Variants in PDE4A observed in about 807,000 individuals in gnomAD.
PDE4A encodes the protein 3',5'-cyclic-AMP phosphodiesterase 4A.
PDE4A carries 21 observed loss-of-function variants against 73.9 expected under a neutral mutation model. That is an observed-to-expected ratio of 0.28 (90% confidence interval 0.20 to 0.41). The LOEUF is 0.41. Among genes scored for constraint, PDE4A ranks in the 10% least tolerant of loss-of-function variants. PDE4A has a pLI of 1.00. For synonymous variants in PDE4A, 463 were observed against 505.4 expected (o/e 0.92, Z 1.13); for missense variants, 958 against 1,211.4 (o/e 0.79, Z 3.10).
At chr19:10,418,258 A>G (rs2042607010), upstream of PDE4A, among the ~76,000 whole-genome samples, 1 of 152,078 alleles carries the variant, frequency 6.6e-6, no homozygotes. Context: ...AGGGGTCTGG[A>G]CTAGTATTTT....
intron 5 of PDE4A, 53 bp downstream of exon 5, chr19:10,450,705 G>A: frequency 6.3e-7 from 1 of 1,590,058 alleles, no homozygotes; most frequent in East Asian, 2.3e-5. Flanking sequence ...CCCAGTGGGG[G>A]TCCCTCAGCC....
Position 10,457,735 on chromosome 19 carries a change from C to CT in PDE4A, c.878-143dup, listed in dbSNP as rs759704200. 791 of 1,437,098 alleles carry CT rather than the reference C, an allele frequency of 5.5e-4. 1 individual carries two copies. Among genetic ancestry groups the CT allele is most frequent in the Non-Finnish European group, 6.7e-4 (737 of 1,092,894 alleles). 89.0% of individuals were successfully genotyped at this position (1,437,098 alleles called of 1,614,324 possible). A position where few individuals can be genotyped will look rare whatever the true frequency, so the allele number is the denominator to read the frequency against. ...CCACATCCCCTCTGGTTTCCTGACT[C>CT]TGAGTAGCCAGCGGCATCACAGCTG... On this transcript the variant is annotated intron_variant, in intron 7 of 14. Coordinates refer to ENST00000380702, the MANE Select transcript of PDE4A (RefSeq NM_001111307.2).
rs1166864050 is a variant in PDE4A, at chr19:10,424,875, C to T, written c.320+3791C>T. ...GGCTCTGCGCTTCCTGCCCGGGAAA[C>T]AGAGACCATGGGACTTGCCCAAGGT... On this transcript the variant is annotated intron_variant, in intron 1 of 14. Coordinates refer to ENST00000380702, the MANE Select transcript of PDE4A (RefSeq NM_001111307.2). The surrounding 1 kb of genome is among the most constrained non-coding windows in gnomAD (Gnocchi z 4.8). 6.6e-6 allele frequency among the ~76,000 whole-genome samples: 1 copy of T among 152,250 alleles called. No individual in the cohort carries two copies. Among genetic ancestry groups the T allele is most frequent in the African/African-American group, 2.4e-5 (1 of 41,478 alleles).
At position 10,453,281 on chromosome 19, in the gene PDE4A, C is replaced by G; in HGVS notation, c.784-1548C>G. On this transcript the variant is annotated intron_variant, in intron 6 of 14. Transcript: ENST00000380702. This position sits in a 1 kb window ranked among gnomAD's most constrained non-coding sequence, Gnocchi z 4.6. ...TCTCCAAGATGCCCTTGGTGGATTT[C>G]TTCTGCGAGACCTGCTCTAAGCCTT... 1 of 1,613,438 alleles carries G rather than the reference C, an allele frequency of 6.2e-7. No homozygotes were observed. Among genetic ancestry groups the G allele is most frequent in the Non-Finnish European group, 8.5e-7 (1 of 1,179,678 alleles).
At chr19:10,462,899 A>G (rs1387412545) in intron 13 of PDE4A, among the ~76,000 whole-genome samples, 2 of 152,042 alleles carry the variant, frequency 1.3e-5, no homozygotes, top group African/African-American at 4.8e-5. Context: ...GGTGGGAGAT[A>G]AGAAAGCCTG....
Position 10,424,418 on chromosome 19 carries a change from C to T in PDE4A, c.320+3334C>T, listed in dbSNP as rs2042687680. ...TCTGTCTCCACTTGGGTCCTCGCCT[C>T]CCCCTTGTCCCTGGCGCTCCCAAGT... is the stretch of plus-strand genomic sequence containing the variant. On this transcript the variant is annotated intron_variant, in intron 1 of 14. Coordinates refer to ENST00000380702, the MANE Select transcript of PDE4A (RefSeq NM_001111307.2). The surrounding 1 kb of genome is among the most constrained non-coding windows in gnomAD (Gnocchi z 4.8). Among the ~76,000 whole-genome samples, 1 of 152,166 alleles carries T rather than the reference C, an allele frequency of 6.6e-6. No homozygotes were observed. The highest frequency in any genetic ancestry group is 2.4e-5 in the African/African-American group (1 of 41,446).
upstream of PDE4A, chr19:10,420,310 G>A (rs1165623682): frequency 6.9e-6 from 6 of 869,958 alleles, no homozygotes; most frequent in Non-Finnish European, 8.3e-6. This position sits in a 1 kb window ranked among gnomAD's most constrained non-coding sequence, Gnocchi z 6.0. Context: ...CAAGCAGGGT[G>A]CTTTGAAGAC....
chr19:10,456,535 A>G (rs1480725016), intron 7 of PDE4A, among the ~76,000 whole-genome samples: 3 of 145,184 alleles, frequency 2.1e-5, no homozygotes, highest in East Asian at 4.0e-4. Context: ...CAAAAAAAAA[A>G]TAAATAAATA....
At chr19:10,459,555 G>A (rs2043226182) in intron 9 of PDE4A, 40 bp from the exon 10 acceptor site, 1 of 1,611,248 alleles carries the variant, frequency 6.2e-7, no homozygotes, top group Admixed American at 1.7e-5. Context: ...GGGCGCTGGA[G>A]GCCGGTGGAG....
At position 10,448,973 on chromosome 19, in the gene PDE4A, G is replaced by A; in HGVS notation, c.549+20G>A. The A allele has an allele frequency of 6.2e-7, 1 of 1,613,244 alleles. No homozygotes were observed. The highest frequency in any genetic ancestry group is 8.5e-7 in the Non-Finnish European group (1 of 1,179,662). The stretch of plus-strand genomic sequence containing the variant: ...GCTCAGGTGAGACCTCTTCCCAAAT[G>A]GTTAAGGAGAGAAGGGGCTCCAATG... On this transcript the variant is annotated intron_variant, in intron 3 of 14. Coordinates refer to ENST00000380702, the MANE Select transcript of PDE4A (RefSeq NM_001111307.2).
chr19:10,432,457 G>T (rs554432607), intron 1 of PDE4A: 2 of 1,486,510 alleles, frequency 1.3e-6, no homozygotes, highest in South Asian at 2.6e-5. Context: ...GCAGCGCCCC[G>T]GGCCCGGCCC....
In PDE4A at chr19:10,424,825, C is replaced by G. The variant is rs1392969693; in HGVS notation, c.320+3741C>G. On this transcript the variant is annotated intron_variant, in intron 1 of 14. Transcript: ENST00000380702. This position sits in a 1 kb window ranked among gnomAD's most constrained non-coding sequence, Gnocchi z 4.8. ...GTCCCGCCTCTGCGCGCTTGCCCGG[C>G]AGGCCGGTGAACCCCAGCATCCTTG... Among the ~76,000 whole-genome samples the G allele has an allele frequency of 1.3e-5, 2 of 152,358 alleles. No individual in the cohort carries two copies. The highest frequency in any genetic ancestry group is 2.1e-4 in the South Asian group (1 of 4,830).
chr19:10,416,837 G>A (rs1433050598), upstream of PDE4A: 1 of 1,532,218 alleles, frequency 6.5e-7, no homozygotes, highest in African/African-American at 1.4e-5. Flanking sequence ...ACCGGCAGGG[G>A]GAGCCCTGGG....
intron 4 of PDE4A, among the ~76,000 whole-genome samples, chr19:10,450,081 G>A (rs2043067464): frequency 1.3e-5 from 2 of 152,172 alleles, no homozygotes. Context: ...GGGTGACAGA[G>A]CAAGACCCTG....
chr19:10,440,899 A>ATTTT (rs59011127), intron 1 of PDE4A, among the ~76,000 whole-genome samples: 1 of 131,366 alleles, frequency 7.6e-6, no homozygotes, highest in African/African-American at 2.8e-5. Flanking sequence ...CGCCCAGCCA[A>ATTTT]TTTTTTTTTT....
In PDE4A at chr19:10,457,978, T is replaced by C; in HGVS notation, c.977T>C (p.Val326Ala). 1 of 1,611,710 alleles carries C rather than the reference T, an allele frequency of 6.2e-7. No individual in the cohort carries two copies. The highest frequency in any genetic ancestry group is 8.5e-7 in the Non-Finnish European group (1 of 1,177,944). ...PRPSQPPPPP[V>A]PHLQPMSQIT... ...CCCTCCCAGCCGCCCCCGCCCCCTG[T>C]ACCACACTTACAGCCCATGTCCCAA... The change falls in exon 8 of 15, where the codon GTA becomes GCA. Residue 326 changes from valine (V) to alanine (A), a missense_variant. Physicochemically the swap from Val to Ala is moderately conservative, Grantham distance 64. Coordinates refer to ENST00000380702, the MANE Select transcript of PDE4A (RefSeq NM_001111307.2).
chr19:10,421,193 C>A, intron 1 of PDE4A, 109 bp downstream of exon 1: 1 of 1,333,294 alleles, frequency 7.5e-7, no homozygotes, highest in South Asian at 2.0e-5. Flanking sequence ...GTCGGTTTGG[C>A]TGGCGGGGGC....
intron 7 of PDE4A, among the ~76,000 whole-genome samples, chr19:10,456,543 AT>A: frequency 6.6e-6 from 1 of 151,552 alleles, no homozygotes. Flanking sequence ...AAATAAATAA[AT>A]AAATAAATAA....
chr19:10,464,547 G>C, intron 14 of PDE4A: 1 of 429,464 alleles, frequency 2.3e-6, no homozygotes, highest in Non-Finnish European at 4.6e-6. Context: ...CTCCAGAGTA[G>C]CTGAGAATAC....
Sources: allele counts gnomAD v4.1 joint callset (sites outside exome capture counted in the v4.1 genomes callset), GRCh38; gene constraint gnomAD v4.1.1; non-coding constraint Gnocchi (gnomAD v3.1); transcripts MANE v1.5; gene names NCBI Gene and HGNC (gene_info 2026-07-23, HGNC 2026-07-21).